Variants in BCL9 observed in about 807,000 individuals in gnomAD.
BCL9 encodes the protein B-cell CLL/lymphoma 9 protein.
BCL9 carries 25 observed loss-of-function variants against 88.5 expected under a neutral mutation model. The ratio of observed to expected loss-of-function variants is 0.28; its 90% CI spans 0.21 to 0.39. BCL9 has a LOEUF of 0.39. BCL9 is among the 10% of genes least tolerant of loss of function. BCL9 has a pLI of 1.00. For missense variants in BCL9, 1,817 were observed against 1,877.8 expected (o/e 0.97, Z 0.60); for synonymous variants, 711 against 673.3 (o/e 1.06, Z -0.87).
chr1:147,574,674 C>A (rs917257061), intron 1 of BCL9, among the ~76,000 whole-genome samples: 2 of 152,174 alleles, frequency 1.3e-5, no homozygotes, highest in African/African-American at 4.8e-5. Flanking sequence ...TTAGATAGAT[C>A]TCTAATTGGT....
intron 1 of BCL9, among the ~76,000 whole-genome samples, chr1:147,575,715 A>G (rs1013349053): frequency 7.9e-5 from 12 of 152,172 alleles, no homozygotes; most frequent in Non-Finnish European, 1.6e-4. Flanking sequence ...ACCATTCACT[A>G]TATTTATCTA....
chr1:147,606,893 T>C (rs1447332389), intron 3 of BCL9, 27 bp downstream of exon 3: 1 of 152,626 alleles, frequency 6.6e-6, no homozygotes, highest in African/African-American at 2.4e-5. Context: ...CTGATAGCAC[T>C]GGAGCACACG....
At chr1:147,580,918 G>GA (rs1323237418) in intron 1 of BCL9, among the ~76,000 whole-genome samples, 1 of 152,054 alleles carries the variant, frequency 6.6e-6, no homozygotes, top group South Asian at 2.1e-4. Flanking sequence ...TTTTAAAAGT[G>GA]AAAAAAACTG....
rs150292509 is a variant in BCL9 at position 147,624,871 on chromosome 1, C to T, written c.4193C>T (p.Pro1398Leu). The part of the protein sequence containing the change: ...MGPQQNIMIP[P>L]QMRPRGMAAD... ...CCCCAACAGAACATCATGATCCCCC[C>T]ACAGATGAGGCCCCGGGGCATGGCT... is the stretch of plus-strand genomic sequence containing the variant. Residue 1398 changes from proline (P) to leucine (L), a missense_variant, in exon 10 of 10, where the codon CCA becomes CTA. Transcript: ENST00000234739. The surrounding 1 kb of genome is among the most constrained non-coding windows in gnomAD (Gnocchi z 4.4). 2.9e-5 allele frequency: 47 copies of T among 1,613,960 alleles called. No individual in the cohort carries two copies. The African/African-American group carries it at 5.3e-4, about 18-fold the overall frequency.
intron 1 of BCL9, among the ~76,000 whole-genome samples, chr1:147,554,723 G>T (rs1348500982): frequency 5.3e-5 from 8 of 152,188 alleles, no homozygotes; most frequent in Non-Finnish European, 1.2e-4. Flanking sequence ...CTTGAATGAA[G>T]TGTTTAACTT....
At chr1:147,598,013 T>C (rs952154763) in intron 1 of BCL9, among the ~76,000 whole-genome samples, 6 of 152,212 alleles carry the variant, frequency 3.9e-5, no homozygotes, top group African/African-American at 1.4e-4. Flanking sequence ...TGGTCTGGGA[T>C]TCCCCCCAGG....
chr1:147,556,878 T>A (rs17160433), intron 1 of BCL9, among the ~76,000 whole-genome samples: 1,895 of 152,316 alleles, frequency 0.012, 22 homozygotes, highest in East Asian at 0.056. Context: ...AAGGTCTAGA[T>A]TGTATCTCTC....
In BCL9 at chr1:147,546,386, C is replaced by CT. The variant is rs782208050; in HGVS notation, c.-478+4719dup. 5.3e-5 allele frequency among the ~76,000 whole-genome samples: 8 copies of CT among 151,938 alleles called. No homozygotes were observed. The South Asian group carries it at 8.3e-4, about 16-fold the overall frequency. ...TTGCCTAAGTTTTGCCATCCCCCCC[C>CT]TTTTTTTAAAACACTAGAATTTAGA... On this transcript the variant is annotated intron_variant, in intron 1 of 9. Coordinates refer to ENST00000234739, the MANE Select transcript of BCL9 (RefSeq NM_004326.4).
At chr1:147,591,191 A>G (rs1438661650) in intron 1 of BCL9, among the ~76,000 whole-genome samples, 1 of 152,014 alleles carries the variant, frequency 6.6e-6, no homozygotes, top group African/African-American at 2.4e-5. Flanking sequence ...GATGGTGCCT[A>G]TTCCATAGGC....
intron 1 of BCL9, among the ~76,000 whole-genome samples, chr1:147,603,817 G>A (rs1553201634): frequency 6.6e-6 from 1 of 152,050 alleles, no homozygotes; most frequent in African/African-American, 2.4e-5. Flanking sequence ...CCAGATCAGG[G>A]TTCTTAACCT....
intron 1 of BCL9, among the ~76,000 whole-genome samples, chr1:147,548,073 A>G (rs587713038): frequency 1.9e-4 from 29 of 152,338 alleles, no homozygotes; most frequent in Admixed American, 6.5e-4. Context: ...AAGGAAACCA[A>G]GCTGTCATTT....
chr1:147,612,271 C>T (rs1553202711), intron 4 of BCL9, among the ~76,000 whole-genome samples: 2 of 152,200 alleles, frequency 1.3e-5, no homozygotes, highest in Non-Finnish European at 2.9e-5. Flanking sequence ...CGGACTCCCA[C>T]TGTGACACTT....
intron 1 of BCL9, among the ~76,000 whole-genome samples, chr1:147,586,565 C>G (rs1195914392): frequency 6.6e-6 from 1 of 152,154 alleles, no homozygotes; most frequent in Admixed American, 6.5e-5. Context: ...GGCTAGCAGG[C>G]GCCTGCCGTG....
intron 1 of BCL9, among the ~76,000 whole-genome samples, chr1:147,594,969 C>T (rs1656984914): frequency 1.3e-5 from 2 of 152,106 alleles, no homozygotes; most frequent in African/African-American, 4.8e-5. Flanking sequence ...AGTAAGAAGC[C>T]AATGGATGGG....
chr1:147,623,156 A>G (rs1006085511), intron 9 of BCL9, among the ~76,000 whole-genome samples: 6 of 152,020 alleles, frequency 3.9e-5, no homozygotes, highest in African/African-American at 1.5e-4. Flanking sequence ...TTCCAGTTCT[A>G]TTCTGATTGT....
At chr1:147,610,176 C>CAAAA (rs782360371) in intron 3 of BCL9, among the ~76,000 whole-genome samples, 11 of 147,628 alleles carry the variant, frequency 7.5e-5, no homozygotes, top group Non-Finnish European at 7.5e-5. Flanking sequence ...TAGTCTAAAC[C>CAAAA]AAAAAAAAAA....
At chr1:147,608,250 G>A (rs587754280) in intron 3 of BCL9, among the ~76,000 whole-genome samples, 2 of 151,108 alleles carry the variant, frequency 1.3e-5, no homozygotes, top group South Asian at 2.1e-4. Flanking sequence ...AAGTGAGGAA[G>A]TGAACCCTGT....
intron 1 of BCL9, among the ~76,000 whole-genome samples, chr1:147,567,541 A>T (rs782066337): frequency 1.2e-4 from 19 of 152,210 alleles, no homozygotes; most frequent in Non-Finnish European, 2.5e-4. Context: ...AAGTCGAGCA[A>T]AAGCAGGAAT....
chr1:147,567,848 G>A (rs1553196903), intron 1 of BCL9, among the ~76,000 whole-genome samples: 1 of 152,056 alleles, frequency 6.6e-6, no homozygotes, highest in South Asian at 2.1e-4. Flanking sequence ...TTCCAGGGTG[G>A]CATTGCTAGT....
Sources: allele counts gnomAD v4.1 joint callset (sites outside exome capture counted in the v4.1 genomes callset), GRCh38; gene constraint gnomAD v4.1.1; non-coding constraint Gnocchi (gnomAD v3.1); transcripts MANE v1.5; gene names NCBI Gene and HGNC (gene_info 2026-07-23, HGNC 2026-07-21).